The following PCSK2 variants were observed in gnomAD, a reference collection of about 807,000 sequenced individuals.
PCSK2 encodes neuroendocrine convertase 2.
PCSK2 carries 14 observed loss-of-function variants against 69.7 expected under a neutral mutation model. The observed-to-expected ratio is 0.20, with a 90% CI of 0.13 to 0.31. The LOEUF is 0.31. Among genes scored for constraint, PCSK2 ranks in the 10% least tolerant of loss-of-function variants. PCSK2 has a pLI of 1.00. For synonymous variants in PCSK2, 307 were observed against 320.7 expected, an observed-to-expected ratio of 0.96 and a Z score of 0.46; for missense variants, 544 against 842.5, an observed-to-expected ratio of 0.65 and a Z score of 4.39.
At chr20:17,449,546 T>TATATATATATATGTATGTATG (rs1442630991) in intron 8 of PCSK2, among the ~76,000 whole-genome samples, 1 of 49,854 alleles carries the variant, frequency 2.0e-5, no homozygotes, top group African/African-American at 8.0e-5. Context: ...ATATGTATAT[T>TATATATATATATGTATGTATG]TGAGACTGAG....
chr20:17,415,387 C>A (rs908600996), intron 6 of PCSK2, among the ~76,000 whole-genome samples: 3 of 152,110 alleles, frequency 2.0e-5, no homozygotes, highest in Admixed American at 6.5e-5. Context: ...TTCTATACAC[C>A]AATAACAGAC....
chr20:17,296,272 C>G (rs919730861), intron 2 of PCSK2, among the ~76,000 whole-genome samples: 29 of 152,330 alleles, frequency 1.9e-4, no homozygotes, highest in African/African-American at 6.5e-4. Context: ...GTCTCAAAAA[C>G]TCCCAACATC....
intron 2 of PCSK2, among the ~76,000 whole-genome samples, chr20:17,295,404 C>T (rs1033984258): frequency 1.4e-4 from 22 of 151,978 alleles, no homozygotes; most frequent in Admixed American, 3.9e-4. Flanking sequence ...TTGTTCTTTA[C>T]GCTCAGCTGG....
At chr20:17,267,293 T>C (rs1987653915) in intron 2 of PCSK2, among the ~76,000 whole-genome samples, 1 of 152,148 alleles carries the variant, frequency 6.6e-6, no homozygotes, top group Non-Finnish European at 1.5e-5. Context: ...CTAGATAACA[T>C]GCCAAGAGGT....
chr20:17,238,420 T>C (rs1406800465), intron 1 of PCSK2, among the ~76,000 whole-genome samples: 1 of 152,156 alleles, frequency 6.6e-6, no homozygotes, highest in Non-Finnish European at 1.5e-5. Context: ...ATTACAGCCT[T>C]TCAGAACAGG....
At chr20:17,412,170 G>C (rs1047926025) in intron 6 of PCSK2, among the ~76,000 whole-genome samples, 3 of 152,162 alleles carry the variant, frequency 2.0e-5, no homozygotes, top group Non-Finnish European at 4.4e-5. Flanking sequence ...AAGCTGGATG[G>C]AAAATGACTT....
chr20:17,479,450 T>C, intron 11 of PCSK2: 2 of 557,648 alleles, frequency 3.6e-6, no homozygotes, highest in Non-Finnish European at 6.7e-6. Context: ...CTGTTCTCCC[T>C]GGGGGCGGAG....
At chr20:17,461,415 A>G (rs573275271) in intron 10 of PCSK2, among the ~76,000 whole-genome samples, 25 of 152,348 alleles carry the variant, frequency 1.6e-4, no homozygotes, top group Admixed American at 4.6e-4. Flanking sequence ...TACGACTCCA[A>G]ACATCTCTTA....
rs138977276 is a variant in PCSK2, at chr20:17,326,562, G to A, written c.283-31765G>A. Among the ~76,000 whole-genome samples, 952 of 152,310 alleles carry A rather than the reference G, an allele frequency of 6.3e-3. 9 individuals carry two copies. Among genetic ancestry groups the A allele is most frequent in the African/African-American group, 0.022 (900 of 41,568 alleles). On this transcript the variant is annotated intron_variant, in intron 2 of 11. Coordinates refer to ENST00000262545, the MANE Select transcript of PCSK2 (RefSeq NM_002594.5). ...GCAGATGTTAATAACAGGGGAAATT[G>A]GGTAAGGAGTATATGGCGACTCTGT...
At chr20:17,367,837 T>A (rs1236569452) in intron 4 of PCSK2, among the ~76,000 whole-genome samples, 2 of 152,198 alleles carry the variant, frequency 1.3e-5, no homozygotes, top group East Asian at 3.8e-4. Context: ...GAACAAGGGT[T>A]AACAACATTT....
intron 8 of PCSK2, among the ~76,000 whole-genome samples, chr20:17,450,097 G>A (rs556691388): frequency 4.1e-5 from 5 of 123,086 alleles, no homozygotes; most frequent in South Asian, 2.8e-4. Flanking sequence ...GCGCGATCTC[G>A]GCTCACTGCG....
At chr20:17,431,948 C>G (rs2032376588) in intron 7 of PCSK2, among the ~76,000 whole-genome samples, 1 of 152,212 alleles carries the variant, frequency 6.6e-6, no homozygotes, top group African/African-American at 2.4e-5. Context: ...TGGTGGCCAA[C>G]TCGGATCGTT....
At chr20:17,349,842 G>A (rs1379327214) in intron 2 of PCSK2, among the ~76,000 whole-genome samples, 1 of 152,250 alleles carries the variant, frequency 6.6e-6, no homozygotes, top group East Asian at 1.9e-4. Context: ...TTTAAACACC[G>A]CTGAGGCCAG....
chr20:17,357,466 G>C (rs529878437), intron 2 of PCSK2, among the ~76,000 whole-genome samples: 1 of 152,174 alleles, frequency 6.6e-6, no homozygotes, highest in Non-Finnish European at 1.5e-5. Flanking sequence ...TAAAGACTGG[G>C]AAGCCATCCA....
intron 2 of PCSK2, among the ~76,000 whole-genome samples, chr20:17,349,607 G>C (rs888418900): frequency 2.0e-5 from 3 of 151,878 alleles, no homozygotes; most frequent in African/African-American, 7.3e-5. Context: ...CCATATGGAT[G>C]CGTCCTCAAG....
intron 2 of PCSK2, among the ~76,000 whole-genome samples, chr20:17,314,576 C>T (rs572782464): frequency 9.8e-5 from 15 of 152,298 alleles, no homozygotes; most frequent in African/African-American, 1.7e-4. Context: ...TAAAGTGAGG[C>T]GTGAGTTTGT....
intron 6 of PCSK2, among the ~76,000 whole-genome samples, chr20:17,409,957 C>T (rs1484868008): frequency 1.3e-5 from 2 of 152,152 alleles, no homozygotes; most frequent in East Asian, 1.9e-4. Context: ...TGGTTAATTA[C>T]ATATAAGAGA....
chr20:17,349,083 A>G (rs1475874612), intron 2 of PCSK2, among the ~76,000 whole-genome samples: 1 of 152,210 alleles, frequency 6.6e-6, no homozygotes, highest in East Asian at 1.9e-4. Flanking sequence ...TGCCCAGCGC[A>G]ACAGTCAGCC....
chr20:17,352,565 C>T (rs927830796), intron 2 of PCSK2, among the ~76,000 whole-genome samples: 2 of 152,194 alleles, frequency 1.3e-5, no homozygotes, highest in African/African-American at 2.4e-5. Flanking sequence ...ACCATCTGAT[C>T]TTCAAGAAAG....
Sources: gnomAD v4.1 joint callset for allele counts (sites outside exome capture counted in the v4.1 genomes callset) on GRCh38, gnomAD v4.1.1 for gene constraint, MANE v1.5 for transcripts, NCBI Gene and HGNC (gene_info 2026-07-23, HGNC 2026-07-21) for gene names.